STYK1: variants seen among roughly 807,000 people sequenced by gnomAD.
STYK1 encodes the protein tyrosine-protein kinase STYK1.
Under a neutral mutation model 48.1 loss-of-function variants are expected in STYK1, and 46 were observed. The ratio of observed to expected loss-of-function variants is 0.96; its 90% CI spans 0.75 to 1.22. The LOEUF (loss-of-function observed/expected upper bound fraction) is 1.22. STYK1 is among the 50% of genes most tolerant of loss of function. STYK1 has a pLI of 0.00. For synonymous variants in STYK1, 188 were observed against 189.0 expected (o/e 0.99, Z 0.04); for missense variants, 527 against 521.1 (o/e 1.01, Z -0.11).
chr12:10,647,560 G>T lies in STYK1; in HGVS notation c.-194-10364C>A, dbSNP rs146643534. Reference sequence around the variant, plus strand: ...GTCTCAGATGAGATGTTGAACTGTGGACTTTTGAGTTAATGCTGAAATGAG... The same window carrying T: ...GTCTCAGATGAGATGTTGAACTGTGTACTTTTGAGTTAATGCTGAAATGAG... On this transcript the variant is annotated intron_variant, in intron 1 of 10. Coordinates refer to ENST00000075503, the MANE Select transcript of STYK1 (RefSeq NM_018423.3). 2.4e-3 allele frequency among the ~76,000 whole-genome samples: 360 copies of T among 152,178 alleles called. 11 individuals carry two copies. The East Asian group carries it at 0.058, about 24-fold the overall frequency.
At chr12:10,658,087 A>T (rs1185369288) in intron 1 of STYK1, among the ~76,000 whole-genome samples, 1 of 152,244 alleles carries the variant, frequency 6.6e-6, no homozygotes, top group Admixed American at 6.5e-5. Context: ...CTGTGTGAAC[A>T]TATCGGCTAA....
Position 10,630,032 on chromosome 12 carries a change from GGAGAGAGAGAGAGAGAGA to G in STYK1, c.452-376_452-359del, listed in dbSNP as rs11268204. 4.4e-3 allele frequency among the ~76,000 whole-genome samples: 599 copies of G among 137,266 alleles called. 13 individuals are homozygous for G. The highest frequency in any genetic ancestry group is 7.4e-3 in the Middle Eastern group (2 of 272). 90.1% of individuals were successfully genotyped at this position (137,266 alleles called of 152,430 possible). On this transcript the variant is annotated intron_variant, in intron 5 of 10. Transcript: ENST00000075503. ...CCATTACTGGCCCATATCATGAAGA[GGAGAGAGAGAGAGAGAGA>G]GAGAGAGAGAGAGAGAGAGAGAGAG...
At chr12:10,662,829 T>A (rs1284597577) in intron 1 of STYK1, among the ~76,000 whole-genome samples, 1 of 152,226 alleles carries the variant, frequency 6.6e-6, no homozygotes, top group Non-Finnish European at 1.5e-5. Context: ...TTTGATAATG[T>A]CCTTTGAAGC....
chr12:10,634,232 A>G, intron 3 of STYK1, 108 bp from the exon 4 acceptor site: 1 of 1,302,992 alleles, frequency 7.7e-7, no homozygotes, highest in Non-Finnish European at 1.1e-6. Flanking sequence ...TGAAAAGGTC[A>G]TCTCTTCTAC....
At chr12:10,658,851 C>T (rs898615571) in intron 1 of STYK1, among the ~76,000 whole-genome samples, 1 of 152,162 alleles carries the variant, frequency 6.6e-6, no homozygotes, top group Non-Finnish European at 1.5e-5. Context: ...ATAATTGTTA[C>T]ATAATATTAT....
intron 9 of STYK1, among the ~76,000 whole-genome samples, chr12:10,622,324 T>C (rs1865921156): frequency 6.6e-6 from 1 of 152,188 alleles, no homozygotes; most frequent in African/African-American, 2.4e-5. Flanking sequence ...CATTTTTATG[T>C]TTATGCAAGA....
chr12:10,659,207 G>C (rs1947750346), intron 1 of STYK1, among the ~76,000 whole-genome samples: 1 of 152,096 alleles, frequency 6.6e-6, no homozygotes, highest in Non-Finnish European at 1.5e-5. Flanking sequence ...TCTTTGCTTT[G>C]TTTTTCAGAG....
At position 10,621,641 on chromosome 12, in the gene STYK1, T is replaced by A. The variant is rs569353837; in HGVS notation, c.1064+235A>T. 6.0e-4 allele frequency among the ~76,000 whole-genome samples: 92 copies of A among 152,164 alleles called. 1 individual carries two copies. Among genetic ancestry groups the A allele is most frequent in the Middle Eastern group, 3.4e-3 (1 of 294 alleles). On this transcript the variant is annotated intron_variant, in intron 10 of 10. Transcript: ENST00000075503. ...TAGTTCTCAGCGTGTGGTGGGGGTA[T>A]GTGTGTGTATGTGTGTGAGTATGTG...
intron 1 of STYK1, among the ~76,000 whole-genome samples, chr12:10,667,111 A>T (rs1030573599): frequency 6.6e-6 from 1 of 152,216 alleles, no homozygotes; most frequent in African/African-American, 2.4e-5. Context: ...ATATACTGTT[A>T]TCTAACAATT....
intron 7 of STYK1, among the ~76,000 whole-genome samples, chr12:10,627,325 G>A (rs1947369728): frequency 1.3e-5 from 2 of 152,142 alleles, no homozygotes; most frequent in Non-Finnish European, 1.5e-5. Flanking sequence ...AAATGGGGAT[G>A]TAAAATTATC....
At chr12:10,663,766 A>G (rs568883048) in intron 1 of STYK1, among the ~76,000 whole-genome samples, 9 of 148,188 alleles carry the variant, frequency 6.1e-5, no homozygotes, top group Admixed American at 2.7e-4. Flanking sequence ...TGGAATTTTG[A>G]TAGGGATTAT....
At chr12:10,637,531 G>A (rs1273446958) in intron 1 of STYK1, among the ~76,000 whole-genome samples, 1 of 151,856 alleles carries the variant, frequency 6.6e-6, no homozygotes, top group African/African-American at 2.4e-5. Flanking sequence ...TTAGTAGAGA[G>A]GGGGTTTCAC....
intron 1 of STYK1, among the ~76,000 whole-genome samples, chr12:10,656,520 G>T (rs539999791): frequency 3.5e-4 from 53 of 152,246 alleles, no homozygotes; most frequent in Middle Eastern, 3.4e-3. Flanking sequence ...AGCTACTTGG[G>T]AGGCTGAGGC....
chr12:10,621,848 GAGGAGC>G, intron 10 of STYK1, 22 bp downstream of exon 10: 3 of 1,596,388 alleles, frequency 1.9e-6, no homozygotes, highest in Non-Finnish European at 2.6e-6. Flanking sequence ...TGGAATGAAA[GAGGAGC>G]AGGCCTTTAA....
At chr12:10,637,437 A>G (rs1405026552) in intron 1 of STYK1, among the ~76,000 whole-genome samples, 1 of 149,560 alleles carries the variant, frequency 6.7e-6, no homozygotes, top group Admixed American at 6.7e-5. Flanking sequence ...TCCCAGGTTC[A>G]TGCCATTCTC....
chr12:10,668,539 C>CTCT (rs1947858902), intron 1 of STYK1, among the ~76,000 whole-genome samples: 1 of 46,504 alleles, frequency 2.2e-5, no homozygotes, highest in Non-Finnish European at 4.3e-5. Context: ...CCACACCTGG[C>CTCT]TTTTTTTTTT....
chr12:10,662,172 C>T (rs1212381673), intron 1 of STYK1, among the ~76,000 whole-genome samples: 1 of 152,194 alleles, frequency 6.6e-6, no homozygotes, highest in Non-Finnish European at 1.5e-5. Flanking sequence ...CAAGGATTAT[C>T]CATGTTGTAG....
chr12:10,641,560 A>G (rs1007963419), intron 1 of STYK1, among the ~76,000 whole-genome samples: 12 of 152,204 alleles, frequency 7.9e-5, no homozygotes, highest in Admixed American at 2.0e-4. Flanking sequence ...GCACATATAT[A>G]CATACACACA....
chr12:10,619,389 T>C lies in STYK1; in HGVS notation c.*755A>G, dbSNP rs1209447925. ...ACACACAGAATTCTTTTCACTGTTC[T>C]AACATTGACTCTCTAGGCTTAGTCT... On this transcript the variant is annotated 3_prime_UTR_variant, in exon 11 of 11. Coordinates refer to ENST00000075503, the MANE Select transcript of STYK1 (RefSeq NM_018423.3). The C allele has an allele frequency of 1.3e-5, 2 of 151,898 alleles. No homozygotes were observed. Among genetic ancestry groups the C allele is most frequent in the Non-Finnish European group, 2.9e-5 (2 of 67,960 alleles). The allele number at this position is 151,898 out of a possible 1,614,324, so 9.4% of individuals were successfully genotyped here. A position where few individuals can be genotyped will look rare whatever the true frequency, so the allele number is the denominator to read the frequency against.
Sources: allele counts gnomAD v4.1 joint callset (sites outside exome capture counted in the v4.1 genomes callset), GRCh38; gene constraint gnomAD v4.1.1; transcripts MANE v1.5; gene names NCBI Gene and HGNC (gene_info 2026-07-23, HGNC 2026-07-21).